CTBP1: variants seen among roughly 807,000 people sequenced by gnomAD.
CTBP1 encodes C-terminal binding protein 1.
Under a neutral mutation model 42.1 loss-of-function variants are expected in CTBP1, and 11 were observed. The ratio of observed to expected loss-of-function variants is 0.26; its 90% CI spans 0.16 to 0.43. CTBP1 has a LOEUF of 0.43. Among genes scored for constraint, CTBP1 ranks in the 20% least tolerant of loss-of-function variants. The pLI is 1.00. For missense variants in CTBP1, 399 were observed against 624.3 expected, an observed-to-expected ratio of 0.64 and a Z score of 3.85; for synonymous variants, 324 against 277.1, an observed-to-expected ratio of 1.17 and a Z score of -1.68.
intron 1 of CTBP1, chr4:1,242,111 A>C (rs1732240331): frequency 2.0e-6 from 2 of 985,264 alleles, no homozygotes; most frequent in Non-Finnish European, 2.4e-6. Context: ...CTCCCAAAAA[A>C]ACTGCTCAGC....
chr4:1,242,647 T>G (rs974128011), intron 1 of CTBP1: 1 of 985,298 alleles, frequency 1.0e-6, no homozygotes, highest in Non-Finnish European at 1.2e-6. Context: ...CCACTCCTCA[T>G]GGCAGGTGCT....
chr4:1,211,494 T>A lies in CTBP1; in HGVS notation c.*746A>T, dbSNP rs1298104485. The A allele has an allele frequency of 1.3e-5, 2 of 152,608 alleles. No homozygotes were observed. Among genetic ancestry groups the A allele is most frequent in the East Asian group, 3.9e-4 (2 of 5,188 alleles). 9.5% of individuals were successfully genotyped at this position (152,608 alleles called of 1,614,324 possible). ...CTTTAAAATAATTCATACAAATGGT[T>A]ACAGTCACAAACATGATTTTAACCA... On this transcript the variant is annotated 3_prime_UTR_variant, in exon 10 of 10. Coordinates refer to ENST00000382952, the MANE Select transcript of CTBP1 (RefSeq NM_001012614.2).
At chr4:1,246,858 G>C (rs1055754377) in intron 1 of CTBP1, among the ~76,000 whole-genome samples, 1 of 152,070 alleles carries the variant, frequency 6.6e-6, no homozygotes, top group Admixed American at 6.5e-5. Flanking sequence ...TTTATTAACA[G>C]AATGATGGTT....
In CTBP1 at chr4:1,238,450, C is replaced by T; in HGVS notation, c.8-113G>A. 7.9e-7 allele frequency: 1 copy of T among 1,264,828 alleles called. No homozygotes were observed. The highest frequency in any genetic ancestry group is 1.1e-6 in the Non-Finnish European group (1 of 934,548). The allele number at this position is 1,264,828 out of a possible 1,614,324, so 78.4% of individuals were successfully genotyped here. On this transcript the variant is annotated intron_variant, in intron 2 of 9. Coordinates refer to ENST00000382952, the MANE Select transcript of CTBP1 (RefSeq NM_001012614.2). The surrounding 1 kb of genome is among the most constrained non-coding windows in gnomAD (Gnocchi z 5.9). ...ACGAGGGCCGACCGCCGGGGGTTTT[C>T]TGGTCTATATGTTGTGATATTTGTA...
intron 5 of CTBP1, among the ~76,000 whole-genome samples, chr4:1,220,685 C>T (rs1353699465): frequency 6.6e-6 from 1 of 152,264 alleles, no homozygotes; most frequent in Non-Finnish European, 1.5e-5. Flanking sequence ...AGAGTCCAGA[C>T]GGACCCACTC....
intron 1 of CTBP1, chr4:1,245,125 C>T (rs1732583884): frequency 1.0e-6 from 1 of 985,320 alleles, no homozygotes; most frequent in Non-Finnish European, 1.2e-6. Context: ...CCCAGACAGA[C>T]ACTGCCCAAG....
In CTBP1 at chr4:1,213,038, A is replaced by T; in HGVS notation, c.989-8T>A. On this transcript the variant is annotated splice_polypyrimidine_tract_variant and splice_region_variant and intron_variant, in intron 8 of 9. Transcript: ENST00000382952. ...GGCTGTCTGGGATCCGGCCTGGGAG[A>T]TGCAGGAGGAAGGAACAGCTGTGGC... 6.2e-7 allele frequency: 1 copy of T among 1,612,728 alleles called. No homozygotes were observed. Among genetic ancestry groups the T allele is most frequent in the East Asian group, 2.2e-5 (1 of 44,864 alleles).
intron 3 of CTBP1, chr4:1,236,328 A>T: frequency 2.5e-6 from 1 of 397,756 alleles, no homozygotes; most frequent in Admixed American, 3.9e-5. Context: ...TGAGCAAACA[A>T]GAATCAGGAA....
intron 4 of CTBP1, among the ~76,000 whole-genome samples, chr4:1,227,273 G>A (rs904810532): frequency 6.6e-6 from 1 of 152,054 alleles, no homozygotes; most frequent in Non-Finnish European, 1.5e-5. Flanking sequence ...CATGTGCTGA[G>A]TGCGTGTGCA....
At chr4:1,237,484 G>C in intron 3 of CTBP1, 2 of 684,762 alleles carry the variant, frequency 2.9e-6, no homozygotes, top group South Asian at 3.0e-5. Flanking sequence ...CCTCCTGATG[G>C]TGTGCAGGGA....
chr4:1,212,937 G>A lies in CTBP1; in HGVS notation c.1082C>T (p.Pro361Leu), dbSNP rs776601859. Residue 361 changes from proline (P) to leucine (L), a missense_variant, in exon 9 of 10, where the codon CCT becomes CTT. Physicochemically the swap from Pro to Leu is moderately conservative, Grantham distance 98. Around this residue, in one of 4 missense-constraint regions of CTBP1, gnomAD observed 309 missense variants for 497.5 expected, o/e 0.62. Coordinates refer to ENST00000382952, the MANE Select transcript of CTBP1 (RefSeq NM_001012614.2). ...CCTATAGGCAGCCCCATTGAGCTCA[G>A]GGTGCACGACGGCGGGGTCCATGCT... is the stretch of plus-strand genomic sequence containing the variant. ...WASMDPAVVH[P>L]ELNGAAYRYP... 1 of 1,613,794 alleles carries A rather than the reference G, an allele frequency of 6.2e-7. No homozygotes were observed.
At chr4:1,219,013 T>C (rs1729450213) in intron 5 of CTBP1, among the ~76,000 whole-genome samples, 2 of 152,034 alleles carry the variant, frequency 1.3e-5, no homozygotes, top group Non-Finnish European at 2.9e-5. Context: ...AACTCTATAC[T>C]ATTAATAACA....
intron 1 of CTBP1, among the ~76,000 whole-genome samples, chr4:1,246,771 G>A (rs948335004): frequency 4.6e-5 from 7 of 152,266 alleles, no homozygotes; most frequent in Non-Finnish European, 8.8e-5. Context: ...CCCGAGGGAA[G>A]AGACTGGGCC....
At chr4:1,232,961 T>C (rs1005376693) in intron 3 of CTBP1, 1 of 152,420 alleles carries the variant, frequency 6.6e-6, no homozygotes, top group Non-Finnish European at 1.5e-5. Flanking sequence ...TGTCTACTCT[T>C]GGTGGTACCA....
intron 1 of CTBP1, chr4:1,242,043 T>G (rs923126372): frequency 2.0e-6 from 2 of 989,682 alleles, no homozygotes; most frequent in Non-Finnish European, 2.4e-6. Flanking sequence ...CTGCCTGCAC[T>G]GAGCCGCGCC....
chr4:1,241,047 C>A (rs1023839046), intron 2 of CTBP1, among the ~76,000 whole-genome samples: 1 of 152,162 alleles, frequency 6.6e-6, no homozygotes, highest in Non-Finnish European at 1.5e-5. Flanking sequence ...ACATGGAGGC[C>A]CTCCGTGCCT....
intron 3 of CTBP1, chr4:1,236,972 G>T (rs578200176): frequency 7.4e-6 from 5 of 674,720 alleles, no homozygotes; most frequent in Admixed American, 6.2e-5. Context: ...CTCCTGATGG[G>T]GCTCAGGAGA....
chr4:1,243,346 C>G, intron 1 of CTBP1: 2 of 985,422 alleles, frequency 2.0e-6, no homozygotes, highest in Non-Finnish European at 2.4e-6. Flanking sequence ...GCTGAGGAAC[C>G]TGTGGCAGGG....
rs1434878712 is a variant in CTBP1, at chr4:1,213,497, C to T, written c.969G>A (p.Glu323=). 2.5e-6 allele frequency: 4 copies of T among 1,612,164 alleles called. No individual in the cohort carries two copies. The highest frequency in any genetic ancestry group is 3.4e-6 in the Non-Finnish European group (4 of 1,179,900). The change falls in exon 8 of 10, where the codon GAG becomes GAA. Residue 323 remains glutamate, a synonymous_variant. Transcript: ENST00000382952. ...GCCCACCTGTGATGGCTCTGCGGAT[C>T]TCCCGTGCCGCCTCCTCTCGCATCT... ...SIEMREEAAR[E]IRRAITGRIP... is the part of the protein sequence containing the mutation.
Sources: allele counts gnomAD v4.1 joint callset (sites outside exome capture counted in the v4.1 genomes callset), GRCh38; gene constraint gnomAD v4.1.1; regional missense constraint gnomAD v4.1.1; non-coding constraint Gnocchi (gnomAD v3.1); transcripts MANE v1.5; gene names NCBI Gene and HGNC (gene_info 2026-07-23, HGNC 2026-07-21).